The following ULK4 variants were observed in gnomAD, a reference collection of about 807,000 sequenced individuals.
ULK4 encodes the protein inactive serine/threonine-protein kinase ULK4.
Under a neutral mutation model 160.6 loss-of-function variants are expected in ULK4, and 133 were observed. That is an observed-to-expected ratio of 0.83 (90% confidence interval 0.72 to 0.96). ULK4 has a LOEUF of 0.96. Ranked by LOEUF, ULK4 falls within the 40% of genes least tolerant of loss-of-function variation. The pLI is 0.00. For missense variants in ULK4, 1,580 were observed against 1,499.5 expected, an observed-to-expected ratio of 1.05 and a Z score of -0.89; for synonymous variants, 534 against 539.8, an observed-to-expected ratio of 0.99 and a Z score of 0.15.
At position 41,544,122 on chromosome 3, in the gene ULK4, T is replaced by C. The variant is rs946339981; in HGVS notation, c.3226+21903A>G. Among the ~76,000 whole-genome samples the C allele has an allele frequency of 3.3e-5, 5 of 152,238 alleles. No individual in the cohort carries two copies. In the South Asian group the frequency reaches 8.3e-4, roughly 25 times the overall value. On this transcript the variant is annotated intron_variant, in intron 32 of 36. Transcript: ENST00000301831. ...TGCTTTGTGATTTTTTGTTGAAAAC[T>C]GAACATCTTGGATGATATAATGTGT...
At chr3:41,856,566 TATATATATGTGTATATATATAC>T (rs1559611144) in intron 17 of ULK4, among the ~76,000 whole-genome samples, 42 of 111,900 alleles carry the variant, frequency 3.8e-4, no homozygotes, top group African/African-American at 1.2e-3. Context: ...TATATACACA[TATATATATGTGTATATATATAC>T]ACATATATAT....
Position 41,372,917 on chromosome 3 carries a change from T to C in ULK4, c.3678+25162A>G, listed in dbSNP as rs137856181. Among the ~76,000 whole-genome samples the C allele has an allele frequency of 4.8e-4, 73 of 152,202 alleles. 1 individual carries two copies. Among genetic ancestry groups the C allele is most frequent in the African/African-American group, 1.7e-3 (72 of 41,520 alleles). On this transcript the variant is annotated intron_variant, in intron 35 of 36. Transcript: ENST00000301831. ...CCCATCTCACATGCAAAGACACTCATAGGCTCAAAATAAAGGGATGAAGGA... is the reference window on the plus strand; with the variant it reads ...CCCATCTCACATGCAAAGACACTCACAGGCTCAAAATAAAGGGATGAAGGA...
intron 35 of ULK4, among the ~76,000 whole-genome samples, chr3:41,389,657 T>C (rs1043060378): frequency 5.3e-4 from 81 of 152,350 alleles, no homozygotes; most frequent in African/African-American, 1.9e-3. Flanking sequence ...TGGTTCTGTT[T>C]ATATGCTGGA....
chr3:41,425,412 A>G (rs60867230), intron 34 of ULK4, among the ~76,000 whole-genome samples: 1 of 152,212 alleles, frequency 6.6e-6, no homozygotes, highest in African/African-American at 2.4e-5. Flanking sequence ...CAACCTATCC[A>G]GACAGGCCAA....
intron 32 of ULK4, among the ~76,000 whole-genome samples, chr3:41,475,297 A>G (rs2084105981): frequency 1.3e-5 from 2 of 152,216 alleles, no homozygotes; most frequent in South Asian, 4.1e-4. Flanking sequence ...TAAAATACAA[A>G]GAAGCAGAGA....
intron 30 of ULK4, among the ~76,000 whole-genome samples, chr3:41,651,933 C>A (rs758822169): frequency 6.6e-6 from 1 of 152,174 alleles, no homozygotes; most frequent in African/African-American, 2.4e-5. Context: ...CCATGGAGAG[C>A]TCTCTGCTAA....
intron 27 of ULK4, among the ~76,000 whole-genome samples, chr3:41,686,731 C>T (rs916155134): frequency 6.6e-6 from 1 of 152,158 alleles, no homozygotes; most frequent in Non-Finnish European, 1.5e-5. Context: ...GAGAGAACGG[C>T]TCCAAGGGTA....
intron 34 of ULK4, among the ~76,000 whole-genome samples, chr3:41,438,397 C>T (rs986113782): frequency 2.6e-5 from 4 of 152,112 alleles, no homozygotes; most frequent in African/African-American, 9.7e-5. Context: ...AAGCTGACAA[C>T]TATACAAGCA....
At chr3:41,942,476 G>A (rs1489943207) in intron 2 of ULK4, among the ~76,000 whole-genome samples, 7 of 152,010 alleles carry the variant, frequency 4.6e-5, no homozygotes, top group African/African-American at 1.5e-4. Flanking sequence ...CCTAGATCAC[G>A]CCATTGCACT....
chr3:41,648,111 TG>T (rs2034590565), intron 30 of ULK4, among the ~76,000 whole-genome samples: 1 of 152,182 alleles, frequency 6.6e-6, no homozygotes, highest in Admixed American at 6.5e-5. Flanking sequence ...CCCCTTTCTT[TG>T]ACTAGGAGAG....
rs2041436819 is a variant in ULK4, at chr3:41,828,184, C to G, written c.1764+7680G>C. Among the ~76,000 whole-genome samples the G allele has an allele frequency of 2.1e-5, 3 of 144,410 alleles. 1 individual carries two copies. Among genetic ancestry groups the G allele is most frequent in the Middle Eastern group, 7.8e-3 (2 of 258 alleles). The allele number at this position is 144,410 out of a possible 152,430, so 94.7% of individuals were successfully genotyped here. ...AGAGCTATCTATGACAAACCCACAGCCAATATCATACTGAATGGAAAAAAA... is the reference window on the plus strand; with the variant it reads ...AGAGCTATCTATGACAAACCCACAGGCAATATCATACTGAATGGAAAAAAA... On this transcript the variant is annotated intron_variant, in intron 18 of 36. Transcript: ENST00000301831.
intron 32 of ULK4, among the ~76,000 whole-genome samples, chr3:41,508,036 G>GACTTGCCCT (rs930330779): frequency 2.6e-5 from 4 of 152,190 alleles, no homozygotes; most frequent in Non-Finnish European, 1.5e-5. Context: ...GGTGGTCCAG[G>GACTTGCCCT]GCAAGTTCTC....
intron 35 of ULK4, among the ~76,000 whole-genome samples, chr3:41,383,677 G>T (rs142237756): frequency 6.6e-5 from 10 of 152,256 alleles, no homozygotes; most frequent in Non-Finnish European, 1.3e-4. Flanking sequence ...ATAAATAAAT[G>T]ATCCCTCACA....
chr3:41,447,900 A>G (rs1182127780), intron 34 of ULK4, among the ~76,000 whole-genome samples: 1 of 152,078 alleles, frequency 6.6e-6, no homozygotes, highest in African/African-American at 2.4e-5. Context: ...AAATGATGCA[A>G]TTTTAAAGCA....
intron 30 of ULK4, among the ~76,000 whole-genome samples, chr3:41,642,592 T>C (rs1370905292): frequency 6.6e-6 from 1 of 152,248 alleles, no homozygotes; most frequent in East Asian, 1.9e-4. Flanking sequence ...TCTACCATTG[T>C]TGGACATTTG....
chr3:41,900,316 G>A (rs1698307066), intron 13 of ULK4, among the ~76,000 whole-genome samples: 1 of 152,078 alleles, frequency 6.6e-6, no homozygotes, highest in South Asian at 2.1e-4. Flanking sequence ...GGTAAGCAGT[G>A]CCCTCTGACT....
intron 32 of ULK4, among the ~76,000 whole-genome samples, chr3:41,469,378 T>C (rs879808288): frequency 4.0e-5 from 6 of 151,840 alleles, no homozygotes; most frequent in Non-Finnish European, 8.8e-5. Context: ...GGCCAAAGAA[T>C]ATACTCCTGT....
intron 35 of ULK4, among the ~76,000 whole-genome samples, chr3:41,308,864 C>A (rs1448486085): frequency 3.9e-5 from 6 of 152,074 alleles, no homozygotes; most frequent in African/African-American, 1.4e-4. Flanking sequence ...GATACGCAAC[C>A]TGTATGAAGA....
At chr3:41,412,781 G>A (rs1261509288) in intron 34 of ULK4, among the ~76,000 whole-genome samples, 4 of 151,702 alleles carry the variant, frequency 2.6e-5, no homozygotes, top group African/African-American at 4.8e-5. Flanking sequence ...GGTTGGTCTC[G>A]AACTCCTGGC....
Sources: gnomAD v4.1 joint callset for allele counts (sites outside exome capture counted in the v4.1 genomes callset) on GRCh38, gnomAD v4.1.1 for gene constraint, MANE v1.5 for transcripts, NCBI Gene and HGNC (gene_info 2026-07-23, HGNC 2026-07-21) for gene names.